Variants in USP24 observed in about 807,000 individuals in gnomAD.
The protein encoded by USP24 is ubiquitin specific peptidase 24.
USP24 carries 97 observed loss-of-function variants against 361.6 expected under a neutral mutation model. The observed-to-expected ratio is 0.27, with a 90% CI of 0.23 to 0.32. The LOEUF (loss-of-function observed/expected upper bound fraction) is 0.32, where lower values mean the gene tolerates loss of function less well. Among genes scored for constraint, USP24 ranks in the 10% least tolerant of loss-of-function variants. The probability of loss-of-function intolerance (pLI) is 1.00; values close to 1 mark genes in which losing one functional copy is unlikely to be tolerated. For synonymous variants in USP24, 1,098 were observed against 1,124.6 expected, an observed-to-expected ratio of 0.98 and a Z score of 0.47; for missense variants, 2,353 against 3,165.6, an observed-to-expected ratio of 0.74 and a Z score of 6.16.
intron 13 of USP24, 50 bp from the exon 14 acceptor site, chr1:55,154,516 A>G: frequency 6.5e-7 from 1 of 1,532,134 alleles, no homozygotes; most frequent in Non-Finnish European, 8.8e-7. Flanking sequence ...AACTGGCAAA[A>G]TATGCAAAAA....
At chr1:55,105,307 C>T (rs1645741601) in intron 41 of USP24, among the ~76,000 whole-genome samples, 1 of 152,082 alleles carries the variant, frequency 6.6e-6, no homozygotes, top group Admixed American at 6.6e-5. Context: ...CCCAAGAGTT[C>T]TAATAAAGGG....
chr1:55,127,736 C>A (rs886245141), intron 32 of USP24, among the ~76,000 whole-genome samples: 19 of 152,162 alleles, frequency 1.2e-4, no homozygotes, highest in Admixed American at 7.9e-4. Context: ...CCTGTTGTTT[C>A]CTGACTTTTT....
intron 1 of USP24, among the ~76,000 whole-genome samples, chr1:55,210,028 T>C (rs1367688359): frequency 6.6e-6 from 1 of 152,186 alleles, no homozygotes; most frequent in African/African-American, 2.4e-5. Flanking sequence ...AACATTGAAA[T>C]TGTTTTCAAA....
chr1:55,120,843 C>T, intron 37 of USP24, 87 bp from the exon 38 acceptor site: 1 of 1,408,280 alleles, frequency 7.1e-7, no homozygotes, highest in Non-Finnish European at 9.3e-7. Flanking sequence ...AAAGTCCAGC[C>T]TATTTAGTCA....
chr1:55,090,067 G>A (rs2100463291), intron 54 of USP24, among the ~76,000 whole-genome samples: 1 of 152,088 alleles, frequency 6.6e-6, no homozygotes, highest in Admixed American at 6.5e-5. Context: ...CAAAAGGCCT[G>A]AACTATAGCA....
intron 39 of USP24, among the ~76,000 whole-genome samples, chr1:55,108,461 A>G (rs899311110): frequency 1.1e-4 from 17 of 152,168 alleles, no homozygotes; most frequent in Non-Finnish European, 2.2e-4. Flanking sequence ...TAGAAACCCT[A>G]TGTCTACCAC....
chr1:55,120,763 T>G lies in USP24; in HGVS notation c.4348-7A>C. ...CACAGGCAACCCGGCGAATCTGAAA[T>G]TACATGATCAGCAGCAAAGGACAGA... On this transcript the variant is annotated splice_region_variant and splice_polypyrimidine_tract_variant and intron_variant, in intron 37 of 67. Coordinates refer to ENST00000294383, the MANE Select transcript of USP24 (RefSeq NM_015306.3). 1 of 1,558,278 alleles carries G rather than the reference T, an allele frequency of 6.4e-7. No individual in the cohort carries two copies. The highest frequency in any genetic ancestry group is 8.7e-7 in the Non-Finnish European group (1 of 1,150,968).
At chr1:55,204,141 T>A (rs190550643) in intron 1 of USP24, among the ~76,000 whole-genome samples, 156 of 152,300 alleles carry the variant, frequency 1.0e-3, no homozygotes, top group African/African-American at 3.6e-3. Context: ...ATGTTATTGA[T>A]GCTGGACAGG....
At chr1:55,170,002 T>C (rs1649290066) in intron 5 of USP24, among the ~76,000 whole-genome samples, 1 of 151,952 alleles carries the variant, frequency 6.6e-6, no homozygotes, top group Non-Finnish European at 1.5e-5. Flanking sequence ...GTTTAGTAAG[T>C]TAACATTTTA....
At chr1:55,071,071 A>T in intron 67 of USP24, 1 of 931,596 alleles carries the variant, frequency 1.1e-6, no homozygotes, top group Non-Finnish European at 1.3e-6. Flanking sequence ...CTGTAAAATC[A>T]GGGTGACAGC....
In USP24 at chr1:55,099,783, A is replaced by G. The variant is rs1230518129; in HGVS notation, c.5358T>C (p.Asp1786=). 4 of 1,555,502 alleles carry G rather than the reference A, an allele frequency of 2.6e-6. No homozygotes were observed. The African/African-American group carries it at 4.1e-5, about 16-fold the overall frequency. The stretch of plus-strand genomic sequence containing the variant: ...CAACTTTTACTACCTTGAGGTATTC[A>G]TCCATCTGATCAATGAGACTAGTAA... ...EFFTSLIDQM[D]EYLKKMGRDQ... The change falls in exon 45 of 68, where the codon GAT becomes GAC. Residue 1786 remains aspartate, a synonymous_variant. Transcript: ENST00000294383.
intron 1 of USP24, among the ~76,000 whole-genome samples, chr1:55,191,008 T>TAATTTTTATA: frequency 6.6e-6 from 1 of 152,322 alleles, no homozygotes; most frequent in East Asian, 1.9e-4. Context: ...AATTGAAAAA[T>TAATTTTTATA]AATTTTTATA....
At chr1:55,146,198 A>AG in intron 19 of USP24, 89 bp from the exon 20 acceptor site, 5 of 894,646 alleles carry the variant, frequency 5.6e-6, no homozygotes, top group Non-Finnish European at 8.8e-6. Context: ...ATACATTTTA[A>AG]TACTTCAAAT....
intron 8 of USP24, among the ~76,000 whole-genome samples, chr1:55,161,367 G>C (rs1648258420): frequency 6.7e-6 from 1 of 148,196 alleles, no homozygotes; most frequent in Non-Finnish European, 1.5e-5. Flanking sequence ...GCGAGACTCT[G>C]TCTGGAAAAA....
chr1:55,171,467 C>T, intron 5 of USP24, 89 bp downstream of exon 5: 1 of 1,422,158 alleles, frequency 7.0e-7, no homozygotes, highest in East Asian at 2.5e-5. Context: ...TGTTTTAATC[C>T]TCCCATGTAA....
chr1:55,165,539 A>AT (rs1330684788), intron 7 of USP24, among the ~76,000 whole-genome samples: 1 of 152,090 alleles, frequency 6.6e-6, no homozygotes, highest in African/African-American at 2.4e-5. Flanking sequence ...GTAAATTCTG[A>AT]TTTTATATAA....
chr1:55,185,559 T>C (rs1483697652), intron 1 of USP24, among the ~76,000 whole-genome samples: 2 of 152,022 alleles, frequency 1.3e-5, no homozygotes, highest in African/African-American at 4.8e-5. Flanking sequence ...ACATCACTAC[T>C]TTTTATTTTA....
At chr1:55,115,912 CA>C (rs1484302448) in intron 38 of USP24, among the ~76,000 whole-genome samples, 1 of 152,170 alleles carries the variant, frequency 6.6e-6, no homozygotes, top group African/African-American at 2.4e-5. Flanking sequence ...CAAACTAACA[CA>C]AGAACAGAAA....
Position 55,098,465 on chromosome 1 carries a change from T to A in USP24, c.5453+11A>T. 1 of 1,601,926 alleles carries A rather than the reference T, an allele frequency of 6.2e-7. No homozygotes were observed. The highest frequency in any genetic ancestry group is 8.5e-7 in the Non-Finnish European group (1 of 1,170,374). On this transcript the variant is annotated intron_variant, in intron 46 of 67. Coordinates refer to ENST00000294383, the MANE Select transcript of USP24 (RefSeq NM_015306.3). Reference sequence around the variant, plus strand: ...GATCATTTTTCCTGTGTCGGTGATATCTTCACTCACCTGTGAGGACAGTCT... The same window carrying A: ...GATCATTTTTCCTGTGTCGGTGATAACTTCACTCACCTGTGAGGACAGTCT...
Sources: gnomAD v4.1 joint callset for allele counts (sites outside exome capture counted in the v4.1 genomes callset) on GRCh38, gnomAD v4.1.1 for gene constraint, MANE v1.5 for transcripts, NCBI Gene and HGNC (gene_info 2026-07-23, HGNC 2026-07-21) for gene names.